The following PCDH15 variants were observed in gnomAD, a reference collection of about 807,000 sequenced individuals.
PCDH15 encodes the protein protocadherin related 15.
Under a neutral mutation model 178.5 loss-of-function variants are expected in PCDH15, and 129 were observed. The ratio of observed to expected loss-of-function variants is 0.72; its 90% CI spans 0.63 to 0.84. The LOEUF (loss-of-function observed/expected upper bound fraction) is 0.84. Ranked by LOEUF, PCDH15 falls within the 40% of genes least tolerant of loss-of-function variation. PCDH15 has a pLI of 0.00. For synonymous variants in PCDH15, 800 were observed against 732.0 expected, an observed-to-expected ratio of 1.09 and a Z score of -1.50; for missense variants, 2,230 against 2,099.9, an observed-to-expected ratio of 1.06 and a Z score of -1.21.
At chr10:53,864,265 G>A (rs2079295742) in intron 27 of PCDH15, among the ~76,000 whole-genome samples, 1 of 152,010 alleles carries the variant, frequency 6.6e-6, no homozygotes, top group South Asian at 2.1e-4. Context: ...TCTAATGGTG[G>A]ATTAAACAGG....
intron 2 of PCDH15, among the ~76,000 whole-genome samples, chr10:55,515,768 T>A (rs1301784102): frequency 6.6e-6 from 1 of 152,130 alleles, no homozygotes; most frequent in Non-Finnish European, 1.5e-5. Context: ...CACGTGCATA[T>A]CCTTATTCTA....
chr10:55,340,862 G>C (rs1462284250), intron 2 of PCDH15, among the ~76,000 whole-genome samples: 3 of 151,850 alleles, frequency 2.0e-5, no homozygotes, highest in Admixed American at 6.6e-5. Flanking sequence ...AATAATTAAA[G>C]GCTGATTTGA....
At chr10:55,620,108 A>C (rs1843560998) in intron 2 of PCDH15, among the ~76,000 whole-genome samples, 1 of 152,070 alleles carries the variant, frequency 6.6e-6, no homozygotes, top group Non-Finnish European at 1.5e-5. Flanking sequence ...CACCAAATTT[A>C]ACCCGTTATT....
intron 2 of PCDH15, among the ~76,000 whole-genome samples, chr10:55,042,654 G>T (rs1402645489): frequency 6.6e-5 from 10 of 152,138 alleles, no homozygotes; most frequent in Non-Finnish European, 2.9e-5. Context: ...AAGTCAAAGG[G>T]ATATATATAT....
chr10:55,437,799 T>C (rs1369882377), intron 2 of PCDH15, among the ~76,000 whole-genome samples: 1 of 148,562 alleles, frequency 6.7e-6, no homozygotes, highest in Non-Finnish European at 1.5e-5. Flanking sequence ...GAACAGAAGA[T>C]AAATGGACCA....
intron 2 of PCDH15, among the ~76,000 whole-genome samples, chr10:55,519,280 G>A (rs1350388971): frequency 3.2e-5 from 2 of 62,784 alleles, no homozygotes; most frequent in Non-Finnish European, 5.2e-5. Flanking sequence ...GAATTATGCT[G>A]AGTGTAAAAA....
At chr10:54,811,746 G>A (rs556337591) in intron 3 of PCDH15, among the ~76,000 whole-genome samples, 1 of 152,270 alleles carries the variant, frequency 6.6e-6, no homozygotes, top group East Asian at 1.9e-4. Context: ...TGGGATTACA[G>A]GCGTGAGCCA....
At chr10:54,561,215 TTTTAAGGTCATCA>T (rs907388677) in intron 2 of PCDH15, among the ~76,000 whole-genome samples, 4 of 152,076 alleles carry the variant, frequency 2.6e-5, no homozygotes, top group African/African-American at 4.8e-5. Flanking sequence ...TTTGATGTGA[TTTTAAGGTCATCA>T]TTTAAGAGAA....
At chr10:55,237,071 G>A (rs188196657) in intron 1 of PCDH15, among the ~76,000 whole-genome samples, 21 of 152,206 alleles carry the variant, frequency 1.4e-4, no homozygotes, top group Non-Finnish European at 2.1e-4. Context: ...ATAAATTTAT[G>A]TATTACTTGC....
At position 54,956,073 on chromosome 10, in the gene PCDH15, C is replaced by T. The variant is rs144896047; in HGVS notation, c.-79-58573G>A. Among the ~76,000 whole-genome samples the T allele has an allele frequency of 2.6e-5, 4 of 151,072 alleles. No individual in the cohort carries two copies. In the East Asian group the frequency reaches 7.8e-4, roughly 29 times the overall value. On this transcript the variant is annotated intron_variant, in intron 2 of 5. Coordinates refer to the PCDH15 transcript ENST00000458638. ...AAAATATTATGGATGAAATTACATC[C>T]ATATTATTTTCTTCCTCAAATTGGA...
intron 2 of PCDH15, among the ~76,000 whole-genome samples, chr10:55,153,383 T>A (rs1057179906): frequency 6.6e-6 from 1 of 152,178 alleles, no homozygotes; most frequent in Non-Finnish European, 1.5e-5. Context: ...GAGGACAGGC[T>A]GCCTCTCCCA....
chr10:55,617,321 C>G (rs1175679001), intron 2 of PCDH15, among the ~76,000 whole-genome samples: 1 of 152,006 alleles, frequency 6.6e-6, no homozygotes, highest in Non-Finnish European at 1.5e-5. Context: ...ACAGAATGCT[C>G]ACATTAGTAA....
In PCDH15 at chr10:54,846,977, C is replaced by T. The variant is rs137864098; in HGVS notation, c.-29+50473G>A. Among the ~76,000 whole-genome samples the T allele has an allele frequency of 3.2e-3, 487 of 152,234 alleles. 1 individual carries two copies. Among genetic ancestry groups the T allele is most frequent in the Non-Finnish European group, 4.2e-3 (288 of 68,016 alleles). ...ATTATCACCCATATCATTTATCCTACGCCACATCAAAGTTTACTGTTGGAA... is the reference window on the plus strand; with the variant it reads ...ATTATCACCCATATCATTTATCCTATGCCACATCAAAGTTTACTGTTGGAA... On this transcript the variant is annotated intron_variant, in intron 3 of 5. Transcript: ENST00000458638.
intron 8 of PCDH15, among the ~76,000 whole-genome samples, chr10:54,275,232 G>T (rs2058285829): frequency 1.3e-5 from 2 of 151,760 alleles, no homozygotes; most frequent in African/African-American, 4.8e-5. Flanking sequence ...ACACTGAAAA[G>T]CAACAAAAAT....
In PCDH15 at chr10:55,254,580, G is replaced by GA. The variant is rs572188527; in HGVS notation, c.-156+65018dup. Among the ~76,000 whole-genome samples the GA allele has an allele frequency of 7.8e-4, 118 of 152,150 alleles. 2 individuals are homozygous for GA. In the South Asian group the frequency reaches 0.023, roughly 30 times the overall value. ...TACTATTTGGTCAAGACAGGACATA[G>GA]AAAAAAATATATATCAAGATTGCCT... On this transcript the variant is annotated intron_variant, in intron 1 of 5. Transcript: ENST00000458638.
chr10:54,041,707 A>G (rs1359490711), intron 18 of PCDH15, among the ~76,000 whole-genome samples: 1 of 152,082 alleles, frequency 6.6e-6, no homozygotes, highest in East Asian at 1.9e-4. Context: ...GAACTATGAG[A>G]GCACATAAAT....
At chr10:54,949,039 A>G (rs189888745) in intron 2 of PCDH15, among the ~76,000 whole-genome samples, 24 of 152,038 alleles carry the variant, frequency 1.6e-4, no homozygotes, top group African/African-American at 5.8e-4. Context: ...TCTAGTGATA[A>G]TTTTGTAAGA....
At chr10:54,518,875 G>C (rs1289627943) in intron 3 of PCDH15, among the ~76,000 whole-genome samples, 2 of 152,170 alleles carry the variant, frequency 1.3e-5, no homozygotes, top group Non-Finnish European at 1.5e-5. Flanking sequence ...GATCAAGTGG[G>C]CTTCATCCCT....
At chr10:54,634,945 A>G (rs1041936478) in intron 2 of PCDH15, among the ~76,000 whole-genome samples, 2 of 151,740 alleles carry the variant, frequency 1.3e-5, no homozygotes, top group Admixed American at 6.6e-5. Context: ...TTCTAAGTGT[A>G]CACGGCCTCT....
Sources: allele counts gnomAD v4.1 joint callset (sites outside exome capture counted in the v4.1 genomes callset), GRCh38; gene constraint gnomAD v4.1.1; transcripts MANE v1.5; gene names NCBI Gene and HGNC (gene_info 2026-07-23, HGNC 2026-07-21).